Variants in ATP6V1E1 observed in about 807,000 individuals in gnomAD.
ATP6V1E1 encodes the protein V-type proton ATPase subunit E 1.
A neutral mutation model predicts 35.2 loss-of-function variants in ATP6V1E1; 21 were observed. The observed-to-expected ratio is 0.60, with a 90% confidence interval of 0.42 to 0.86. The LOEUF is 0.86. Ranked by LOEUF, ATP6V1E1 falls within the 40% of genes least tolerant of loss-of-function variation. The pLI is 0.00. For synonymous variants in ATP6V1E1, 83 were observed against 87.8 expected (o/e 0.95, Z 0.30); for missense variants, 183 against 272.6 (o/e 0.67, Z 2.32).
chr22:17,613,829 C>T (rs950435518), intron 2 of ATP6V1E1, among the ~76,000 whole-genome samples: 8 of 152,058 alleles, frequency 5.3e-5, no homozygotes, highest in South Asian at 2.1e-4. Flanking sequence ...TAGCCAGGCG[C>T]GGTGGCAGGC....
chr22:17,622,260 T>A (rs2057881227), intron 1 of ATP6V1E1, among the ~76,000 whole-genome samples: 1 of 143,974 alleles, frequency 6.9e-6, no homozygotes, highest in Admixed American at 6.9e-5. Flanking sequence ...TTGTCTTTTA[T>A]GCCAGTGTGA....
At chr22:17,626,216 G>A (rs957527016) in intron 1 of ATP6V1E1, among the ~76,000 whole-genome samples, 2 of 149,382 alleles carry the variant, frequency 1.3e-5, no homozygotes, top group African/African-American at 4.9e-5. Context: ...GCTGGGGCAG[G>A]AGAATGGCAT....
intron 4 of ATP6V1E1, among the ~76,000 whole-genome samples, chr22:17,602,980 G>A (rs769015750): frequency 1.3e-5 from 2 of 150,906 alleles, no homozygotes; most frequent in African/African-American, 4.9e-5. Context: ...TTTTGAAGAC[G>A]GAGTCTCGCT....
intron 8 of ATP6V1E1, 63 bp from the exon 9 acceptor site, chr22:17,592,799 TC>T (rs564909112): frequency 2.9e-4 from 233 of 796,846 alleles, no homozygotes; most frequent in Non-Finnish European, 4.0e-4. Context: ...GCGCTGCACA[TC>T]TTTTTTTTTT....
Position 17,612,791 on chromosome 22 carries a change from TA to T in ATP6V1E1, c.276+20del. The T allele has an allele frequency of 6.5e-7, 1 of 1,536,402 alleles. No individual in the cohort carries two copies. The highest frequency in any genetic ancestry group is 8.8e-7 in the Non-Finnish European group (1 of 1,138,908). On this transcript the variant is annotated intron_variant, in intron 4 of 8. Transcript: ENST00000253413. Reference sequence around the variant, plus strand: ...AATAAACATGTAATAATTTTATAACTAATAGGGGCTAATTACTCACTGTGAT... The same window carrying T: ...AATAAACATGTAATAATTTTATAACTATAGGGGCTAATTACTCACTGTGAT...
chr22:17,619,364 A>G, intron 2 of ATP6V1E1, 97 bp downstream of exon 2: 1 of 1,062,046 alleles, frequency 9.4e-7, no homozygotes, highest in South Asian at 1.4e-5. Flanking sequence ...AGTCCGATGC[A>G]ATCTGTTGTT....
Position 17,619,445 on chromosome 22 carries a change from A to G in ATP6V1E1, c.99+16T>C, listed in dbSNP as rs929972821. ...GAAACCTTGATAACTTCTTAAAACT[A>G]GAAAATGAATCTCACCTTTGCATCT... On this transcript the variant is annotated intron_variant, in intron 2 of 8. Coordinates refer to ENST00000253413, the MANE Select transcript of ATP6V1E1 (RefSeq NM_001696.4). The G allele has an allele frequency of 1.3e-6, 2 of 1,590,090 alleles. No homozygotes were observed. Among genetic ancestry groups the G allele is most frequent in the Non-Finnish European group, 1.7e-6 (2 of 1,167,448 alleles).
intron 4 of ATP6V1E1, among the ~76,000 whole-genome samples, chr22:17,609,115 AAACAAAC>A (rs773377446): frequency 1.2e-4 from 13 of 112,592 alleles, no homozygotes; most frequent in African/African-American, 3.8e-4. Flanking sequence ...AAAACAAAAC[AAACAAAC>A]AAACAAACAA....
At chr22:17,594,739 G>T in intron 7 of ATP6V1E1, 123 bp from the exon 8 acceptor site, 1 of 718,948 alleles carries the variant, frequency 1.4e-6, no homozygotes, top group Non-Finnish European at 2.0e-6. Context: ...CTAAGCAACA[G>T]GCTTGAAAGG....
rs369890056 is a variant in ATP6V1E1 at position 17,594,592 on chromosome 22, A to G, written c.555T>C (p.Asn185=). 6.3e-7 allele frequency: 1 copy of G among 1,590,174 alleles called. No homozygotes were observed. Among genetic ancestry groups the G allele is most frequent in the Non-Finnish European group, 8.6e-7 (1 of 1,169,436 alleles). ...TGGAAACCTTTATTTTACGATCTCC[A>G]TTATAGATCTCAACTCCACCAGCTC... The part of the protein sequence containing the change: ...EDIAGGVEIY[N]GDRKIKVSNT... Residue 185 remains asparagine, a synonymous_variant, in exon 8 of 9, where the codon AAT becomes AAC. Transcript: ENST00000253413.
intron 1 of ATP6V1E1, among the ~76,000 whole-genome samples, chr22:17,621,394 C>T (rs548805513): frequency 4.6e-5 from 7 of 152,310 alleles, no homozygotes; most frequent in Admixed American, 4.6e-4. Context: ...ATTTTGACCT[C>T]CGCCTTCTAC....
At chr22:17,605,289 G>C (rs1018781598) in intron 4 of ATP6V1E1, among the ~76,000 whole-genome samples, 2 of 151,428 alleles carry the variant, frequency 1.3e-5, no homozygotes, top group African/African-American at 4.9e-5. Context: ...CCAGCACTTT[G>C]GCAGGCCGAG....
chr22:17,612,106 A>T lies in ATP6V1E1; in HGVS notation c.276+706T>A, dbSNP rs1048508010. On this transcript the variant is annotated intron_variant, in intron 4 of 8. Transcript: ENST00000253413. Reference sequence around the variant, plus strand: ...TAGGATCTTATGTTTTTTGAACCTTATATTTTCTGCTTGAATAACCGTATC... The same window carrying T: ...TAGGATCTTATGTTTTTTGAACCTTTTATTTTCTGCTTGAATAACCGTATC... Among the ~76,000 whole-genome samples the T allele has an allele frequency of 2.6e-5, 4 of 152,112 alleles. No homozygotes were observed. The South Asian group carries it at 8.3e-4, about 31-fold the overall frequency.
chr22:17,594,657 C>T, intron 7 of ATP6V1E1, 41 bp from the exon 8 acceptor site: 1 of 1,479,892 alleles, frequency 6.8e-7, no homozygotes, highest in Non-Finnish European at 9.1e-7. Flanking sequence ...TTTTCAAAGA[C>T]TTGAGAAAGA....
chr22:17,601,435 C>T (rs1334967138), intron 4 of ATP6V1E1, among the ~76,000 whole-genome samples: 2 of 152,076 alleles, frequency 1.3e-5, no homozygotes, highest in Non-Finnish European at 2.9e-5. Context: ...GTTCAGAAAC[C>T]GACACAAGTG....
At chr22:17,608,824 C>T (rs1314357456) in intron 4 of ATP6V1E1, among the ~76,000 whole-genome samples, 2 of 152,148 alleles carry the variant, frequency 1.3e-5, no homozygotes, top group South Asian at 4.1e-4. Context: ...CAGTGGCTCA[C>T]GCCTGTAATC....
Position 17,628,696 on chromosome 22 carries a change from G to C in ATP6V1E1, c.-61C>G. The C allele has an allele frequency of 6.2e-7, 1 of 1,609,422 alleles. No individual in the cohort carries two copies. Among genetic ancestry groups the C allele is most frequent in the Non-Finnish European group, 8.5e-7 (1 of 1,175,942 alleles). On this transcript the variant is annotated 5_prime_UTR_variant, in exon 1 of 9. Transcript: ENST00000253413. ...CGAGTTTAGGTTTGAAAGGTGAGGT[G>C]AGAGAAATCGGCAAAGGGAACCCCT...
chr22:17,617,660 AC>A (rs1488372382), intron 2 of ATP6V1E1, among the ~76,000 whole-genome samples: 2 of 152,154 alleles, frequency 1.3e-5, no homozygotes, highest in African/African-American at 4.8e-5. Context: ...TGGGAAAAGA[AC>A]ATTTTGACAT....
At chr22:17,599,787 G>A (rs148581478) in intron 6 of ATP6V1E1, among the ~76,000 whole-genome samples, 18 of 150,856 alleles carry the variant, frequency 1.2e-4, no homozygotes, top group African/African-American at 3.7e-4. Flanking sequence ...AGGCATGGTG[G>A]CACACGCTTG....
Sources: allele counts gnomAD v4.1 joint callset (sites outside exome capture counted in the v4.1 genomes callset), GRCh38; gene constraint gnomAD v4.1.1; transcripts MANE v1.5; gene names NCBI Gene and HGNC (gene_info 2026-07-23, HGNC 2026-07-21).